KCNH5: variants seen among roughly 807,000 people sequenced by gnomAD.
KCNH5 encodes the protein voltage-gated delayed rectifier potassium channel KCNH5.
A neutral mutation model predicts 96.1 loss-of-function variants in KCNH5; 46 were observed. That is an observed-to-expected ratio of 0.48 (90% CI 0.38 to 0.61). The LOEUF is 0.61. Ranked by LOEUF, KCNH5 falls within the 20% of genes least tolerant of loss-of-function variation. The probability of loss-of-function intolerance (pLI) is 0.00; values close to 1 mark genes in which losing one functional copy is unlikely to be tolerated. For missense variants in KCNH5, 907 were observed against 1,225.8 expected, an observed-to-expected ratio of 0.74 and a Z score of 3.88; for synonymous variants, 439 against 449.8, an observed-to-expected ratio of 0.98 and a Z score of 0.30.
At chr14:62,883,265 A>G (rs908560839) in intron 7 of KCNH5, among the ~76,000 whole-genome samples, 2 of 152,220 alleles carry the variant, frequency 1.3e-5, no homozygotes, top group African/African-American at 4.8e-5. Context: ...AGGAGAATTC[A>G]ATTACCTAGG....
chr14:62,797,872 A>C (rs1406715630), intron 9 of KCNH5, among the ~76,000 whole-genome samples: 1 of 151,906 alleles, frequency 6.6e-6, no homozygotes, highest in African/African-American at 2.4e-5. Flanking sequence ...ATATGCCAGC[A>C]AACCCAGGTA....
chr14:63,012,168 C>G (rs1891241724), intron 2 of KCNH5, among the ~76,000 whole-genome samples: 1 of 152,166 alleles, frequency 6.6e-6, no homozygotes, highest in African/African-American at 2.4e-5. Flanking sequence ...GAGATAAGAT[C>G]ATATGCTTTT....
At chr14:62,708,790 A>G (rs1884500740) in intron 10 of KCNH5, among the ~76,000 whole-genome samples, 1 of 152,162 alleles carries the variant, frequency 6.6e-6, no homozygotes. Context: ...CGTTAGTAGG[A>G]AATACACACA....
chr14:63,037,710 C>A (rs1288616578), intron 1 of KCNH5, among the ~76,000 whole-genome samples: 1 of 152,176 alleles, frequency 6.6e-6, no homozygotes, highest in Non-Finnish European at 1.5e-5. Context: ...GATATGGCAA[C>A]CTGAGGCTGG....
At chr14:62,735,924 T>C (rs899035031) in intron 10 of KCNH5, among the ~76,000 whole-genome samples, 4 of 152,204 alleles carry the variant, frequency 2.6e-5, no homozygotes, top group African/African-American at 9.6e-5. Context: ...GTGATCCCTC[T>C]ACCAGCCCAG....
At chr14:62,737,770 G>A (rs1397958165) in intron 10 of KCNH5, among the ~76,000 whole-genome samples, 2 of 152,086 alleles carry the variant, frequency 1.3e-5, no homozygotes, top group Admixed American at 6.6e-5. Context: ...ACTTTAAAAT[G>A]TCTAAAAACA....
chr14:62,999,046 T>C (rs1890962346), intron 4 of KCNH5, among the ~76,000 whole-genome samples: 1 of 152,214 alleles, frequency 6.6e-6, no homozygotes, highest in Non-Finnish European at 1.5e-5. Context: ...TTTGGGTATA[T>C]ACCCTGTAAT....
rs200343452 is a variant in KCNH5 at position 62,708,289 on chromosome 14, G to A, written c.2186C>T (p.Pro729Leu). The change falls in exon 11 of 11, where the codon CCT (proline) becomes CTT (leucine). Residue 729 changes from proline to leucine, a missense_variant. Coordinates refer to ENST00000322893, the MANE Select transcript of KCNH5 (RefSeq NM_139318.5). ...CTCTACCTGGAGTTGGTTCCTCTCAGGGTCACCCTGTGTTGAGCCCTGATT... is the reference window on the plus strand; with the variant it reads ...CTCTACCTGGAGTTGGTTCCTCTCAAGGTCACCCTGTGTTGAGCCCTGATT... ...LRNQGSTQGD[P>L]ERNQLQVESR... The A allele has an allele frequency of 6.2e-7, 1 of 1,614,140 alleles. No individual in the cohort carries two copies. The highest frequency in any genetic ancestry group is 2.2e-5 in the East Asian group (1 of 44,864).
At chr14:62,780,758 G>T (rs553460318) in intron 9 of KCNH5, among the ~76,000 whole-genome samples, 6 of 152,066 alleles carry the variant, frequency 3.9e-5, no homozygotes, top group African/African-American at 4.8e-5. Context: ...AAGGTTAAAG[G>T]TCCCAAAAGG....
Position 62,971,354 on chromosome 14 carries a change from AAAG to A in KCNH5, c.942+9515_942+9517del, listed in dbSNP as rs1281151008. ...AACTACAAAACTGATGAAATATATC[AAAG>A]AAGAACTAAATAAATGAAGAGATAT... On this transcript the variant is annotated intron_variant, in intron 6 of 10. Coordinates refer to ENST00000322893, the MANE Select transcript of KCNH5 (RefSeq NM_139318.5). Among the ~76,000 whole-genome samples, 5 of 152,296 alleles carry A rather than the reference AAAG, an allele frequency of 3.3e-5. No homozygotes were observed. In the East Asian group the frequency reaches 9.6e-4, roughly 29 times the overall value.
chr14:62,863,044 C>T (rs1858561022), intron 7 of KCNH5, among the ~76,000 whole-genome samples: 1 of 152,126 alleles, frequency 6.6e-6, no homozygotes, highest in South Asian at 2.1e-4. Context: ...TTCTGGTTAT[C>T]CCGGGTCAAG....
intron 9 of KCNH5, among the ~76,000 whole-genome samples, chr14:62,782,242 A>C (rs191407584): frequency 1.3e-3 from 199 of 152,296 alleles, no homozygotes; most frequent in Middle Eastern, 3.4e-3. Flanking sequence ...TTGCTCACTT[A>C]GGTAGTTGGG....
At chr14:62,847,716 A>G (rs1887727512) in intron 8 of KCNH5, among the ~76,000 whole-genome samples, 1 of 152,214 alleles carries the variant, frequency 6.6e-6, no homozygotes, top group Non-Finnish European at 1.5e-5. Context: ...CACTTTTAAT[A>G]TTAGTCTCCC....
chr14:62,731,908 A>C (rs1885058698), intron 10 of KCNH5, among the ~76,000 whole-genome samples: 1 of 152,192 alleles, frequency 6.6e-6, no homozygotes, highest in Non-Finnish European at 1.5e-5. Context: ...TTACACATTC[A>C]GGCTGTTGAG....
chr14:62,891,702 G>T (rs1888714772), intron 7 of KCNH5, among the ~76,000 whole-genome samples: 1 of 152,056 alleles, frequency 6.6e-6, no homozygotes, highest in African/African-American at 2.4e-5. Context: ...GTCTATTGAT[G>T]TCATTTTTCG....
At chr14:63,009,864 T>C (rs1386588415) in intron 2 of KCNH5, among the ~76,000 whole-genome samples, 1 of 152,328 alleles carries the variant, frequency 6.6e-6, no homozygotes, top group East Asian at 1.9e-4. Context: ...AGTCTTTGAA[T>C]GGTTAATCAA....
chr14:62,704,590 A>G lies in KCNH5; in HGVS notation c.*2918T>C, dbSNP rs929918036. On this transcript the variant is annotated 3_prime_UTR_variant, in exon 11 of 11. Transcript: ENST00000322893. The stretch of plus-strand genomic sequence containing the variant: ...GAGGATACAGCATCTGATCTTACCT[A>G]TTAATAACATCATAGAAAAATATTG... 1.3e-5 allele frequency: 2 copies of G among 151,888 alleles called. No individual in the cohort carries two copies. The highest frequency in any genetic ancestry group is 2.9e-5 in the Non-Finnish European group (2 of 67,800). The allele number at this position is 151,888 out of a possible 1,614,324, so 9.4% of individuals were successfully genotyped here.
chr14:62,829,473 T>C (rs1189616498), intron 8 of KCNH5, among the ~76,000 whole-genome samples: 1 of 152,226 alleles, frequency 6.6e-6, no homozygotes, highest in African/African-American at 2.4e-5. Context: ...AGTTTGAGTC[T>C]TGTCTTATGT....
intron 6 of KCNH5, among the ~76,000 whole-genome samples, chr14:62,973,170 G>A (rs986194693): frequency 4.6e-5 from 7 of 151,878 alleles, no homozygotes; most frequent in African/African-American, 7.3e-5. Context: ...ACCTAAAAGC[G>A]GTCTTAAAAA....
Sources: gnomAD v4.1 joint callset for allele counts (sites outside exome capture counted in the v4.1 genomes callset) on GRCh38, gnomAD v4.1.1 for gene constraint, MANE v1.5 for transcripts, NCBI Gene and HGNC (gene_info 2026-07-23, HGNC 2026-07-21) for gene names.